ANKS1B: variants seen among roughly 807,000 people sequenced by gnomAD.
ANKS1B encodes ankyrin repeat and sterile alpha motif domain-containing protein 1B.
Under a neutral mutation model 148.3 loss-of-function variants are expected in ANKS1B, and 36 were observed. That is an observed-to-expected ratio of 0.24 (90% CI 0.19 to 0.32). The LOEUF is 0.32. ANKS1B is among the 10% of genes least tolerant of loss of function. The probability of loss-of-function intolerance (pLI) is 1.00; values close to 1 mark genes in which losing one functional copy is unlikely to be tolerated. For synonymous variants in ANKS1B, 542 were observed against 560.8 expected, an observed-to-expected ratio of 0.97 and a Z score of 0.47; for missense variants, 1,157 against 1,542.6, an observed-to-expected ratio of 0.75 and a Z score of 4.19.
chr12:99,431,762 A>G (rs761681460), intron 11 of ANKS1B, among the ~76,000 whole-genome samples: 4 of 152,226 alleles, frequency 2.6e-5, no homozygotes, highest in Non-Finnish European at 5.9e-5. Flanking sequence ...TTAAGTAAAA[A>G]GATTCTAAAT....
At chr12:99,395,840 G>A (rs1050606886) in intron 12 of ANKS1B, among the ~76,000 whole-genome samples, 1 of 152,038 alleles carries the variant, frequency 6.6e-6, no homozygotes, top group Non-Finnish European at 1.5e-5. Context: ...AGATGTATTA[G>A]TCTTTGTTCT....
chr12:99,364,171 A>G (rs2092641278), intron 12 of ANKS1B, among the ~76,000 whole-genome samples: 1 of 152,156 alleles, frequency 6.6e-6, no homozygotes, highest in Non-Finnish European at 1.5e-5. Flanking sequence ...TCCTGTCTAT[A>G]TAAACAGTTT....
chr12:99,241,170 AAG>A (rs1177941766), intron 14 of ANKS1B, among the ~76,000 whole-genome samples: 1 of 152,212 alleles, frequency 6.6e-6, no homozygotes, highest in African/African-American at 2.4e-5. Flanking sequence ...TAAAGAAGAA[AAG>A]AGAGAAGAAT....
At chr12:99,150,311 G>A (rs1436258302) in intron 15 of ANKS1B, among the ~76,000 whole-genome samples, 2 of 152,120 alleles carry the variant, frequency 1.3e-5, no homozygotes, top group Non-Finnish European at 2.9e-5. Flanking sequence ...AGTCTAATTG[G>A]GGAGACAAGA....
At chr12:99,456,675 G>A (rs1449611274) in intron 10 of ANKS1B, among the ~76,000 whole-genome samples, 1 of 152,080 alleles carries the variant, frequency 6.6e-6, no homozygotes. Flanking sequence ...AAAAACTTCA[G>A]AGCTTGAAAT....
chr12:99,460,396 A>G (rs1409082780), intron 10 of ANKS1B, among the ~76,000 whole-genome samples: 2 of 152,176 alleles, frequency 1.3e-5, no homozygotes, highest in Admixed American at 1.3e-4. Context: ...AAATGCAACA[A>G]AAACAGAGAT....
chr12:98,925,263 A>G (rs957907980), intron 17 of ANKS1B, among the ~76,000 whole-genome samples: 1 of 152,226 alleles, frequency 6.6e-6, no homozygotes, highest in Admixed American at 6.5e-5. Context: ...TTTAAAATGA[A>G]GCAGCAGGAA....
intron 12 of ANKS1B, among the ~76,000 whole-genome samples, chr12:99,380,120 A>G (rs1182248961): frequency 1.3e-5 from 2 of 152,214 alleles, no homozygotes; most frequent in African/African-American, 4.8e-5. Flanking sequence ...TTCAATAATT[A>G]CAAGCTCAGA....
chr12:99,490,432 A>G (rs77794768), intron 10 of ANKS1B, among the ~76,000 whole-genome samples: 5,978 of 152,314 alleles, frequency 0.039, 160 homozygotes, highest in South Asian at 0.084. Context: ...ATCTGGATAT[A>G]TTTTGTACAT....
At chr12:98,735,708 C>A in intron 9 of ANKS1B, 1 of 660,384 alleles carries the variant, frequency 1.5e-6, no homozygotes, top group Non-Finnish European at 2.9e-6. Flanking sequence ...TTGAGATGTA[C>A]CATGTGCCTG....
chr12:99,557,133 A>G (rs1358231855), intron 9 of ANKS1B, among the ~76,000 whole-genome samples: 1 of 152,098 alleles, frequency 6.6e-6, no homozygotes, highest in Non-Finnish European at 1.5e-5. Flanking sequence ...GAAGAATCTG[A>G]TCAATGTGTG....
rs538247652 is a variant in ANKS1B, at chr12:99,202,157, G to A, written c.2419+42185C>T. ...AATTGGCAATAGACTGTTAAGCTTC[G>A]GCTTTCTCTTTCTATTTCCTCTTCT... On this transcript the variant is annotated intron_variant, in intron 14 of 26. Transcript: ENST00000683438. 3.9e-5 allele frequency among the ~76,000 whole-genome samples: 6 copies of A among 152,184 alleles called. No homozygotes were observed. In the East Asian group the frequency reaches 5.8e-4, roughly 15 times the overall value.
At chr12:98,765,504 T>C (rs536725249) in intron 25 of ANKS1B, among the ~76,000 whole-genome samples, 2 of 151,854 alleles carry the variant, frequency 1.3e-5, no homozygotes, top group African/African-American at 4.8e-5. Flanking sequence ...GCTCAGGAGA[T>C]CCACCTGCCT....
intron 22 of ANKS1B, among the ~76,000 whole-genome samples, chr12:98,789,211 C>T (rs574161809): frequency 1.4e-4 from 21 of 152,116 alleles, no homozygotes; most frequent in East Asian, 5.8e-4. Flanking sequence ...GACGTGGTGA[C>T]GGGCGCCTGT....
chr12:99,232,032 C>T (rs917680996), intron 14 of ANKS1B, among the ~76,000 whole-genome samples: 1 of 152,066 alleles, frequency 6.6e-6, no homozygotes, highest in Non-Finnish European at 1.5e-5. Flanking sequence ...GGACTCTGAA[C>T]TGTGACCTGC....
chr12:99,775,619 G>A lies in ANKS1B; in HGVS notation c.890C>T (p.Pro297Leu), dbSNP rs1390785746. 1 of 1,612,284 alleles carries A rather than the reference G, an allele frequency of 6.2e-7. No homozygotes were observed. The highest frequency in any genetic ancestry group is 1.7e-5 in the Admixed American group (1 of 59,998). ...TTCTTGTGTTGCATCTTCCTGTACA[G>A]GCTCTTCGAGGACTGTAGATCTTCC... ...GVGRSTVLEE[P>L]VQEDATQETH... is the part of the protein sequence containing the mutation. The change falls in exon 7 of 27, where the codon CCT becomes CTT. Residue 297 changes from proline (P) to leucine (L), a missense_variant. By Grantham distance (98) the Pro-to-Leu change is moderately conservative. Around this residue, in one of 6 missense-constraint regions of ANKS1B, gnomAD observed 661 missense variants for 642.1 expected, o/e 1.03. Transcript: ENST00000683438.
At chr12:99,718,778 C>T (rs2057738427) in intron 8 of ANKS1B, among the ~76,000 whole-genome samples, 1 of 152,182 alleles carries the variant, frequency 6.6e-6, no homozygotes, top group Non-Finnish European at 1.5e-5. Context: ...CCTTTGCACC[C>T]TTCATCCCAG....
intron 16 of ANKS1B, among the ~76,000 whole-genome samples, chr12:99,076,006 T>G (rs1019908956): frequency 5.9e-5 from 9 of 151,898 alleles, no homozygotes; most frequent in Admixed American, 4.6e-4. Context: ...ATTTTTCTCA[T>G]TAGAATACAC....
intron 1 of ANKS1B, among the ~76,000 whole-genome samples, chr12:99,883,702 G>A (rs893260434): frequency 1.3e-5 from 2 of 152,186 alleles, no homozygotes; most frequent in Admixed American, 6.5e-5. Flanking sequence ...TGGATCACGA[G>A]GTCAGGAGTT....
Sources: allele counts gnomAD v4.1 joint callset (sites outside exome capture counted in the v4.1 genomes callset), GRCh38; gene constraint gnomAD v4.1.1; regional missense constraint gnomAD v4.1.1; transcripts MANE v1.5; gene names NCBI Gene and HGNC (gene_info 2026-07-23, HGNC 2026-07-21).